Variants in DST observed in about 807,000 individuals in gnomAD.
DST encodes the protein dystonin, also known as bullous pemphigoid antigen.
A neutral mutation model predicts 875.2 loss-of-function variants in DST; 253 were observed. The observed-to-expected ratio is 0.29, with a 90% CI of 0.26 to 0.32. The LOEUF is 0.32. Among genes scored for constraint, DST ranks in the 10% least tolerant of loss-of-function variants. DST has a pLI of 1.00. For synonymous variants in DST, 3,124 were observed against 3,197.1 expected (o/e 0.98, Z 0.77); for missense variants, 8,287 against 9,111.6 (o/e 0.91, Z 3.68).
At position 56,603,837 on chromosome 6, in the gene DST, T is replaced by C. The variant is rs1269715276; in HGVS notation, c.10791A>G (p.Gln3597=). The part of the protein sequence containing the change: ...EMASGDSSTE[Q]FSSELQQCLQ... ...GTATAAAATGTATAGGTCAACTTAC[T>C]TGTTCGGTTGAGCTATCTCCAGAAG... is the stretch of plus-strand genomic sequence containing the variant. The change falls in exon 40 of 104, where the codon CAA becomes CAG. Residue 3597 remains glutamine, a splice_region_variant and synonymous_variant. Coordinates refer to ENST00000680361, the MANE Select transcript of DST (RefSeq NM_001374736.1). 5.6e-6 allele frequency: 9 copies of C among 1,606,660 alleles called. No homozygotes were observed. The highest frequency in any genetic ancestry group is 2.2e-5 in the South Asian group (2 of 90,170).
chr6:56,670,892 A>C (rs2099097699), intron 9 of DST, 85 bp from the exon 10 acceptor site: 1 of 779,778 alleles, frequency 1.3e-6, no homozygotes, highest in Non-Finnish European at 1.9e-6. Flanking sequence ...AGCACTTTCC[A>C]AAATCTAAGA....
At chr6:56,891,206 C>T (rs1199545874) in intron 3 of DST, among the ~76,000 whole-genome samples, 6 of 152,210 alleles carry the variant, frequency 3.9e-5, no homozygotes, top group Non-Finnish European at 2.9e-5. Flanking sequence ...AGCCTTCTCA[C>T]TACCAACTCT....
intron 9 of DST, among the ~76,000 whole-genome samples, chr6:56,691,144 A>G (rs1261083302): frequency 1.3e-5 from 2 of 152,238 alleles, no homozygotes; most frequent in Non-Finnish European, 2.9e-5. Context: ...TAATGCAAAA[A>G]TGTACAGCTT....
intron 4 of DST, among the ~76,000 whole-genome samples, chr6:56,798,712 A>G (rs1037531998): frequency 1.3e-5 from 2 of 152,182 alleles, no homozygotes; most frequent in Non-Finnish European, 2.9e-5. Context: ...GATTCCTCTG[A>G]TGGATATGGG....
chr6:56,696,696 T>C (rs1294295988), intron 9 of DST, among the ~76,000 whole-genome samples: 5 of 152,210 alleles, frequency 3.3e-5, no homozygotes, highest in Admixed American at 6.5e-5. Flanking sequence ...GAACAAACTA[T>C]TGACCTCTAC....
At chr6:56,883,160 G>A (rs569450687) in intron 3 of DST, among the ~76,000 whole-genome samples, 4 of 152,286 alleles carry the variant, frequency 2.6e-5, no homozygotes, top group Admixed American at 6.5e-5. Flanking sequence ...GAGCCACCAC[G>A]CCAGGCCCAT....
chr6:56,632,942 G>T lies in DST; in HGVS notation c.3717C>A (p.Val1239=), dbSNP rs143514539. 844 of 1,613,800 alleles carry T rather than the reference G, an allele frequency of 5.2e-4. 4 individuals carry two copies. Among genetic ancestry groups the T allele is most frequent in the Non-Finnish European group, 9.4e-5 (111 of 1,179,796 alleles). ...DFLEDSQESQ[V]FSGSDITQLE... ...GTTGTGTTATATCTGAGCCTGAAAAGACTTGGGATTCCTGGCTATCTTCCA... is the reference window on the plus strand; with the variant it reads ...GTTGTGTTATATCTGAGCCTGAAAATACTTGGGATTCCTGGCTATCTTCCA... The change falls in exon 28 of 104, where the codon GTC becomes GTA. Residue 1239 remains valine, a synonymous_variant. Coordinates refer to ENST00000680361, the MANE Select transcript of DST (RefSeq NM_001374736.1).
chr6:56,616,573 C>T, intron 36 of DST: 1 of 1,614,096 alleles, frequency 6.2e-7, no homozygotes, highest in Non-Finnish European at 8.5e-7. Flanking sequence ...ACAGAGCTTG[C>T]TTGTTATTGG....
At chr6:56,885,514 C>A (rs114860478) in intron 3 of DST, among the ~76,000 whole-genome samples, 233 of 151,862 alleles carry the variant, frequency 1.5e-3, no homozygotes, top group African/African-American at 5.1e-3. Flanking sequence ...ATGTTGTATC[C>A]CACCCAAAAT....
intron 50 of DST, 32 bp downstream of exon 50, chr6:56,578,782 T>C (rs367796665): frequency 4.4e-6 from 7 of 1,608,106 alleles, no homozygotes; most frequent in Non-Finnish European, 5.9e-6. Flanking sequence ...AATTTACCTG[T>C]GAGACAGGAA....
chr6:56,658,533 G>A (rs1379970730), intron 10 of DST, among the ~76,000 whole-genome samples: 2 of 152,172 alleles, frequency 1.3e-5, no homozygotes, highest in South Asian at 2.1e-4. Flanking sequence ...AGAGATTTAC[G>A]TGAAAGTAGT....
At chr6:56,701,572 T>C (rs1310861439) in intron 8 of DST, among the ~76,000 whole-genome samples, 1 of 152,202 alleles carries the variant, frequency 6.6e-6, no homozygotes, top group Non-Finnish European at 1.5e-5. Context: ...ATAGGCATTC[T>C]TAACATTCTA....
intron 4 of DST, among the ~76,000 whole-genome samples, chr6:56,824,350 G>C (rs907075371): frequency 6.6e-6 from 1 of 152,284 alleles, no homozygotes; most frequent in African/African-American, 2.4e-5. Context: ...GCGTGATCTC[G>C]GCTCGCTACA....
intron 2 of DST, among the ~76,000 whole-genome samples, chr6:56,934,070 C>G (rs989566747): frequency 6.6e-6 from 1 of 151,990 alleles, no homozygotes; most frequent in African/African-American, 2.4e-5. Context: ...TCTCACCATG[C>G]TGCTCAGGCT....
intron 9 of DST, among the ~76,000 whole-genome samples, chr6:56,692,171 G>C (rs1197173349): frequency 6.6e-6 from 1 of 152,066 alleles, no homozygotes; most frequent in African/African-American, 2.4e-5. Flanking sequence ...AAAATGTACA[G>C]GATTTTTAGA....
chr6:56,580,714 A>G lies in DST; in HGVS notation c.12904-1777T>C, dbSNP rs141026066. On this transcript the variant is annotated intron_variant, in intron 49 of 103. Coordinates refer to ENST00000680361, the MANE Select transcript of DST (RefSeq NM_001374736.1). ...ATTTTGAGCCTAGGTAATTAGCGGA[A>G]TTTACTTTTTCTTTTTTTTTTTTTT... is the stretch of plus-strand genomic sequence containing the variant. Among the ~76,000 whole-genome samples the G allele has an allele frequency of 3.0e-4, 44 of 148,416 alleles. 1 individual carries two copies. The highest frequency in any genetic ancestry group is 1.1e-3 in the African/African-American group (43 of 40,404).
intron 55 of DST, 71 bp downstream of exon 55, chr6:56,568,398 T>A: frequency 6.7e-7 from 1 of 1,500,540 alleles, no homozygotes. Context: ...ATTTAAAAAA[T>A]AACATACACA....
chr6:56,587,450 G>C (rs1172851711), intron 49 of DST, among the ~76,000 whole-genome samples: 1 of 152,230 alleles, frequency 6.6e-6, no homozygotes, highest in Non-Finnish European at 1.5e-5. Context: ...GTACCTGAAA[G>C]TGATGGGGAG....
intron 4 of DST, among the ~76,000 whole-genome samples, chr6:56,745,962 A>T (rs1422653755): frequency 6.6e-6 from 1 of 152,164 alleles, no homozygotes; most frequent in Non-Finnish European, 1.5e-5. Flanking sequence ...GTGGGTGTGT[A>T]AAATGGCAGA....
Sources: allele counts gnomAD v4.1 joint callset (sites outside exome capture counted in the v4.1 genomes callset), GRCh38; gene constraint gnomAD v4.1.1; transcripts MANE v1.5; gene names NCBI Gene and HGNC (gene_info 2026-07-23, HGNC 2026-07-21).